MARCHF6: variants seen among roughly 807,000 people sequenced by gnomAD.
The protein encoded by MARCHF6 is membrane associated ring-CH-type finger 6.
MARCHF6 carries 31 observed loss-of-function variants against 133.7 expected under a neutral mutation model. The observed-to-expected ratio is 0.23, with a 90% confidence interval of 0.17 to 0.31. The LOEUF is 0.31. Ranked by LOEUF, MARCHF6 falls within the 10% of genes least tolerant of loss-of-function variation. The pLI is 1.00. For missense variants in MARCHF6, 723 were observed against 1,121.6 expected (o/e 0.64, Z 5.08); for synonymous variants, 395 against 402.5 (o/e 0.98, Z 0.22).
In MARCHF6 at chr5:10,354,083, C is replaced by T. The variant is rs1561086672; in HGVS notation, c.19+166C>T. The stretch of plus-strand genomic sequence containing the variant: ...GGGCCGGGGAGCGGAAGGTGACCCT[C>T]TGCGCGCCCCCCGCCGTTTCCCGCC... On this transcript the variant is annotated intron_variant, in intron 1 of 25. Transcript: ENST00000274140. The T allele has an allele frequency of 1.1e-5, 6 of 544,796 alleles. No homozygotes were observed. The South Asian group carries it at 1.6e-4, about 14-fold the overall frequency. The allele number at this position is 544,796 out of a possible 1,614,324, so 33.7% of individuals were successfully genotyped here.
At position 10,353,853 on chromosome 5, in the gene MARCHF6, G is replaced by T; in HGVS notation, c.-46G>T. ...TCTCCCCTCCCTCTTTCCCCGCCCG[G>T]CCGCGGGAGCCTCGTGGCTGCGTCA... On this transcript the variant is annotated 5_prime_UTR_variant, in exon 1 of 26. Coordinates refer to ENST00000274140, the MANE Select transcript of MARCHF6 (RefSeq NM_005885.4). 5 of 1,544,884 alleles carry T rather than the reference G, an allele frequency of 3.2e-6. No individual in the cohort carries two copies. Among genetic ancestry groups the T allele is most frequent in the Non-Finnish European group, 4.4e-6 (5 of 1,147,720 alleles).
intron 17 of MARCHF6, among the ~76,000 whole-genome samples, chr5:10,407,937 C>T (rs565770329): frequency 7.1e-6 from 1 of 140,274 alleles, no homozygotes; most frequent in South Asian, 2.3e-4. Context: ...ACTTGGGCAA[C>T]AAGAGTGAAA....
At position 10,425,200 on chromosome 5, in the gene MARCHF6, A is replaced by C. The variant is rs185563654; in HGVS notation, c.2374-1190A>C. Among the ~76,000 whole-genome samples the C allele has an allele frequency of 1.1e-4, 17 of 152,338 alleles. No individual in the cohort carries two copies. The East Asian group carries it at 3.3e-3, about 29-fold the overall frequency. ...TTTGATTCTTAGGAGTAGGGGGGTT[A>C]GGGAGCCAGCAAATTGCAGTGTGTT... is the stretch of plus-strand genomic sequence containing the variant. On this transcript the variant is annotated intron_variant, in intron 23 of 25. Transcript: ENST00000274140.
rs1740645502 is a variant in MARCHF6 at position 10,436,107 on chromosome 5, T to C, written c.*2423T>C. On this transcript the variant is annotated 3_prime_UTR_variant, in exon 26 of 26. Transcript: ENST00000274140. The stretch of plus-strand genomic sequence containing the variant: ...ATTTGTGGATCTTGGTATAAAGTCA[T>C]TGGAACATATCTGTTTTAACAGCAA... 1 of 152,128 alleles carries C rather than the reference T, an allele frequency of 6.6e-6. No individual in the cohort carries two copies. The highest frequency in any genetic ancestry group is 2.1e-4 in the South Asian group (1 of 4,820). The allele number at this position is 152,128 out of a possible 1,614,324, so 9.4% of individuals were successfully genotyped here.
rs545545200 is a variant in MARCHF6, at chr5:10,418,570, T to C, written c.2283+1166T>C. 2.6e-5 allele frequency among the ~76,000 whole-genome samples: 4 copies of C among 152,324 alleles called. No individual in the cohort carries two copies. In the South Asian group the frequency reaches 8.3e-4, roughly 32 times the overall value. ...GAAAAGAGCTAGGTATTGACTTCAGTCATTCAAAGGCTTTTTAGCTTTGTT... is the reference window on the plus strand; with the variant it reads ...GAAAAGAGCTAGGTATTGACTTCAGCCATTCAAAGGCTTTTTAGCTTTGTT... On this transcript the variant is annotated intron_variant, in intron 22 of 25. Transcript: ENST00000274140.
intron 23 of MARCHF6, among the ~76,000 whole-genome samples, chr5:10,425,724 T>C (rs1740048319): frequency 1.3e-5 from 2 of 152,232 alleles, no homozygotes; most frequent in South Asian, 4.1e-4. Context: ...AACAGCCTTC[T>C]AAGCCTTGTT....
intron 1 of MARCHF6, among the ~76,000 whole-genome samples, chr5:10,374,901 G>C (rs1736678151): frequency 6.6e-6 from 1 of 152,246 alleles, no homozygotes; most frequent in Non-Finnish European, 1.5e-5. Context: ...CCTGCTTCCA[G>C]CACAGACAGG....
chr5:10,357,838 A>AT (rs1262160906), intron 1 of MARCHF6, among the ~76,000 whole-genome samples: 2 of 152,210 alleles, frequency 1.3e-5, no homozygotes, highest in Admixed American at 1.3e-4. Flanking sequence ...TAGAGCTTAC[A>AT]TTATAGTTAT....
chr5:10,392,294 T>A (rs1166214407), intron 7 of MARCHF6, among the ~76,000 whole-genome samples: 1 of 152,202 alleles, frequency 6.6e-6, no homozygotes, highest in Non-Finnish European at 1.5e-5. Context: ...AGGAAGAAAC[T>A]ATTTTTTAAG....
chr5:10,391,544 T>G lies in MARCHF6; in HGVS notation c.579T>G (p.Ala193=). The G allele has an allele frequency of 6.4e-7, 1 of 1,574,146 alleles. No homozygotes were observed. The highest frequency in any genetic ancestry group is 8.6e-7 in the Non-Finnish European group (1 of 1,157,018). The change falls in exon 7 of 26, where the codon GCT becomes GCG. Residue 193 remains alanine (A), a splice_region_variant and synonymous_variant. Coordinates refer to ENST00000274140, the MANE Select transcript of MARCHF6 (RefSeq NM_005885.4). ...TCTGGGCTTTTCTGTGATTTTAGGC[T>G]CCAGCAGGAGGAAATGGTGCAGAAA... ...FNAAGHHQNE[A]PAGGNGAENV...
At chr5:10,405,445 C>T in intron 15 of MARCHF6, 113 bp from the exon 16 acceptor site, 2 of 837,420 alleles carry the variant, frequency 2.4e-6, no homozygotes, top group South Asian at 2.3e-5. Flanking sequence ...TTCTGGGGCC[C>T]ACTTTAGATG....
intron 5 of MARCHF6, among the ~76,000 whole-genome samples, chr5:10,389,489 G>A (rs554803566): frequency 3.3e-5 from 5 of 151,936 alleles, no homozygotes; most frequent in African/African-American, 9.7e-5. Context: ...GCAACCCCCC[G>A]CCTCCTGGGT....
chr5:10,380,106 C>T (rs1737038113), intron 3 of MARCHF6, among the ~76,000 whole-genome samples: 1 of 151,694 alleles, frequency 6.6e-6, no homozygotes, highest in African/African-American at 2.4e-5. Context: ...ATTTTTCATT[C>T]TGGGATCCCC....
At chr5:10,366,876 G>A (rs909508440) in intron 1 of MARCHF6, among the ~76,000 whole-genome samples, 5 of 152,158 alleles carry the variant, frequency 3.3e-5, no homozygotes, top group African/African-American at 1.2e-4. Flanking sequence ...AACATTCTGC[G>A]TTTATGAGAA....
intron 18 of MARCHF6, among the ~76,000 whole-genome samples, chr5:10,410,709 A>G (rs1439772943): frequency 6.6e-6 from 1 of 152,114 alleles, no homozygotes; most frequent in Non-Finnish European, 1.5e-5. Flanking sequence ...CTCTATATTT[A>G]TTTAAAAGTT....
At chr5:10,423,850 A>G (rs1363935502) in intron 23 of MARCHF6, 26 bp downstream of exon 23, 2 of 1,536,314 alleles carry the variant, frequency 1.3e-6, no homozygotes, top group South Asian at 1.1e-5. Context: ...TTTCAGAGAA[A>G]GACATTCTGG....
At chr5:10,409,668 G>A (rs1739107798) in intron 17 of MARCHF6, among the ~76,000 whole-genome samples, 1 of 152,188 alleles carries the variant, frequency 6.6e-6, no homozygotes, top group African/African-American at 2.4e-5. Context: ...CTGCTGTGAT[G>A]AGAGGAAACT....
At chr5:10,363,922 A>C (rs1735973583) in intron 1 of MARCHF6, among the ~76,000 whole-genome samples, 1 of 152,234 alleles carries the variant, frequency 6.6e-6, no homozygotes, top group African/African-American at 2.4e-5. Flanking sequence ...TATATAGAGA[A>C]ATTAGTGGTT....
chr5:10,395,094 C>G (rs541235734), intron 9 of MARCHF6, among the ~76,000 whole-genome samples: 2 of 152,146 alleles, frequency 1.3e-5, no homozygotes, highest in Admixed American at 6.5e-5. Flanking sequence ...CCACCGCGCC[C>G]GGCCAAAACT....
Sources: gnomAD v4.1 joint callset for allele counts (sites outside exome capture counted in the v4.1 genomes callset) on GRCh38, gnomAD v4.1.1 for gene constraint, MANE v1.5 for transcripts, NCBI Gene and HGNC (gene_info 2026-07-23, HGNC 2026-07-21) for gene names.